C1S: variants seen among roughly 807,000 people sequenced by gnomAD.
C1S encodes the protein complement C1s, also known as complement C1s subcomponent.
C1S carries 31 observed loss-of-function variants against 54.0 expected under a neutral mutation model. That is an observed-to-expected ratio of 0.57 (90% CI 0.43 to 0.78). C1S has a LOEUF of 0.78. Among genes scored for constraint, C1S ranks in the 30% least tolerant of loss-of-function variants. The pLI, the probability that C1S is intolerant of heterozygous loss-of-function variation, is 0.00. For missense variants in C1S, 727 were observed against 851.8 expected (o/e 0.85, Z 1.82); for synonymous variants, 292 against 303.6 (o/e 0.96, Z 0.40).
chr12:7,066,520 A>G lies in C1S; in HGVS notation c.874A>G (p.Met292Val). ...GTCCCAACTTCTGTTCTTTCAAGCA[A>G]TGCCCTGCCCTAAGGAAGACACTCC... ...GWKLRYHGDP[M>V]PCPKEDTPNS... Residue 292 changes from methionine to valine, a missense_variant and splice_region_variant, in exon 8 of 12, where the codon ATG becomes GTG. Physicochemically the swap from Met to Val is conservative, Grantham distance 21. Coordinates refer to ENST00000360817, the MANE Select transcript of C1S (RefSeq NM_001734.5). The G allele has an allele frequency of 6.3e-7, 1 of 1,595,578 alleles. No homozygotes were observed. The highest frequency in any genetic ancestry group is 1.3e-5 in the African/African-American group (1 of 74,728).
In C1S at chr12:7,070,522, ATTCT is replaced by A; in HGVS notation, c.1939_1942del (p.Phe647ThrfsTer21). ...TACAGGATCCCAATGACAAGACCAA[ATTCT>A]ACGCAGCTGGCCTGGTGTCCTGGGG... On this transcript the variant is annotated frameshift_variant, in exon 12 of 12. Transcript: ENST00000360817. LOFTEE classifies it low-confidence loss of function (END_TRUNC). This position sits in a 1 kb window ranked among gnomAD's most constrained non-coding sequence, Gnocchi z 4.9. The A allele has an allele frequency of 6.2e-7, 1 of 1,613,866 alleles. No homozygotes were observed. The highest frequency in any genetic ancestry group is 8.5e-7 in the Non-Finnish European group (1 of 1,179,870).
intron 1 of C1S, 142 bp from the exon 2 acceptor site, chr12:7,061,697 C>A: frequency 1.5e-6 from 1 of 664,934 alleles, no homozygotes; most frequent in Non-Finnish European, 2.8e-6. Context: ...GTGTGAGGGG[C>A]ACGGTGCCAT....
At position 7,070,802 on chromosome 12, in the gene C1S, T is replaced by A. The variant is rs1345450506; in HGVS notation, c.*151T>A. 4.1e-6 allele frequency: 3 copies of A among 727,372 alleles called. No homozygotes were observed. The highest frequency in any genetic ancestry group is 7.1e-6 in the Non-Finnish European group (3 of 420,948). The allele number at this position is 727,372 out of a possible 1,614,324, so 45.1% of individuals were successfully genotyped here. A position where few individuals can be genotyped will look rare whatever the true frequency, so the allele number is the denominator to read the frequency against. On this transcript the variant is annotated 3_prime_UTR_variant, in exon 12 of 12. Transcript: ENST00000360817. This position sits in a 1 kb window ranked among gnomAD's most constrained non-coding sequence, Gnocchi z 4.9. ...GATTGTTGAGACGCCTTGCTAGAGGTAGAGTTTGATCATAGAATTGTGCTG... is the reference window on the plus strand; with the variant it reads ...GATTGTTGAGACGCCTTGCTAGAGGAAGAGTTTGATCATAGAATTGTGCTG...
chr12:7,066,794 T>C (rs1937678409), intron 8 of C1S, 161 bp downstream of exon 8: 7 of 711,804 alleles, frequency 9.8e-6, no homozygotes, highest in Admixed American at 6.0e-5. Context: ...TTGTGAGTCA[T>C]GGAGCTGCCT....
rs782641483 is a variant in C1S at position 7,062,661 on chromosome 12, C to T, written c.192C>T (p.Asn64=). Residue 64 remains asparagine, a synonymous_variant, in exon 3 of 12, where the codon AAC becomes AAT. Transcript: ENST00000360817. The part of the protein sequence containing the change: ...FTHLDIELSE[N]CAYDSVQIIS... ...ATCTGGACATTGAGCTGTCAGAGAA[C>T]TGTGCGTATGACTCAGTGCAGGTAT... The T allele has an allele frequency of 1.9e-6, 3 of 1,613,832 alleles. No homozygotes were observed. Among genetic ancestry groups the T allele is most frequent in the Non-Finnish European group, 2.5e-6 (3 of 1,179,920 alleles).
At position 7,064,343 on chromosome 12, in the gene C1S, C is replaced by T. The variant is rs1555161765; in HGVS notation, c.468C>T (p.Cys156=). The T allele has an allele frequency of 1.2e-6, 2 of 1,614,046 alleles. No individual in the cohort carries two copies. Among genetic ancestry groups the T allele is most frequent in the Admixed American group, 1.7e-5 (1 of 60,012 alleles). Residue 156 remains cysteine (C), a synonymous_variant, in exon 5 of 12, where the codon TGC becomes TGT. Coordinates refer to ENST00000360817, the MANE Select transcript of C1S (RefSeq NM_001734.5). ...ACAATTTCATTGGTGGTTACTTCTG[C>T]TCCTGCCCCCCGGAATATTTCCTCC... ...FCNNFIGGYF[C]SCPPEYFLHD... is the part of the protein sequence containing the mutation.
Position 7,069,867 on chromosome 12 carries a change from C to G in C1S, c.1283C>G (p.Pro428Arg), listed in dbSNP as rs149869489. ...TATTCCTTCCTAGTCTGTGGAGTCC[C>G]CAGAGAACCCTTTGAAGAAAAACAG... is the stretch of plus-strand genomic sequence containing the variant. ...LPKCVPVCGV[P>R]REPFEEKQRI... Residue 428 changes from proline to arginine, a missense_variant, in exon 12 of 12, where the codon CCC (proline) becomes CGC (arginine). Around this residue, in one of 3 missense-constraint regions of C1S, gnomAD observed 360 missense variants for 453.6 expected, o/e 0.79. Transcript: ENST00000360817. 1.8e-4 allele frequency: 291 copies of G among 1,613,578 alleles called. 1 individual carries two copies. Among genetic ancestry groups the G allele is most frequent in the Non-Finnish European group, 7.1e-5 (84 of 1,179,478 alleles).
Position 7,067,031 on chromosome 12 carries a change from T to C in C1S, c.988-8T>C, listed in dbSNP as rs782584563. 2 of 1,602,700 alleles carry C rather than the reference T, an allele frequency of 1.2e-6. No individual in the cohort carries two copies. Among genetic ancestry groups the C allele is most frequent in the South Asian group, 2.2e-5 (2 of 90,852 alleles). On this transcript the variant is annotated splice_polypyrimidine_tract_variant and splice_region_variant and intron_variant, in intron 8 of 11. Transcript: ENST00000360817. ...CAGAAATAAGTGGTGATGTTTATTATTCTCCAGGGACGTGTTGGTGCAACA... is the reference window on the plus strand; with the variant it reads ...CAGAAATAAGTGGTGATGTTTATTACTCTCCAGGGACGTGTTGGTGCAACA...
intron 7 of C1S, 69 bp downstream of exon 7, chr12:7,066,039 G>A: frequency 7.1e-7 from 1 of 1,399,414 alleles, no homozygotes; most frequent in South Asian, 1.2e-5. Flanking sequence ...GATCAAAGCA[G>A]GTAGATGATC....
chr12:7,062,811 A>T (rs1311260942), intron 3 of C1S, 79 bp from the exon 4 acceptor site: 1 of 1,550,610 alleles, frequency 6.4e-7, no homozygotes, highest in South Asian at 1.1e-5. Flanking sequence ...TAAATGTTCT[A>T]TTCTCTCTGT....
At position 7,063,074 on chromosome 12, in the gene C1S, C is replaced by G. The variant is rs376188542; in HGVS notation, c.391+7C>G. On this transcript the variant is annotated splice_region_variant and intron_variant, in intron 4 of 11. Transcript: ENST00000360817. ...GCATACTATGTTGCCACAGGTAAGG[C>G]TCACCCTTCTGCATGTGCCTTATTG... The G allele has an allele frequency of 6.2e-7, 1 of 1,611,284 alleles. No homozygotes were observed. The highest frequency in any genetic ancestry group is 1.7e-5 in the Admixed American group (1 of 59,990).
At chr12:7,061,511 GGA>G (rs1414683124) in intron 1 of C1S, 8 of 354,262 alleles carry the variant, frequency 2.3e-5, no homozygotes, top group Non-Finnish European at 4.4e-5. Context: ...CTTGAGGGCA[GGA>G]GAGAGACTGA....
chr12:7,065,544 T>TG, intron 6 of C1S: 1 of 611,364 alleles, frequency 1.6e-6, no homozygotes, highest in East Asian at 2.8e-5. Flanking sequence ...TTATTCTTTT[T>TG]TTTTTTACAG....
chr12:7,062,244 C>G, intron 2 of C1S: 2 of 555,710 alleles, frequency 3.6e-6, no homozygotes, highest in South Asian at 4.1e-5. Flanking sequence ...GCACTCCAGC[C>G]TGGGTGACAG....
intron 4 of C1S, 186 bp downstream of exon 4, chr12:7,063,253 T>C: frequency 1.6e-6 from 1 of 613,734 alleles, no homozygotes; most frequent in South Asian, 1.9e-5. Context: ...TTAGTGGTGA[T>C]GATGATCATG....
At position 7,061,888 on chromosome 12, in the gene C1S, C is replaced by T. The variant is rs782718594; in HGVS notation, c.-25C>T. ...AGCCAGGACCAAGAGACAGGCAGCT[C>T]ACCAGGGTGGACAAATCGCCAGAGA... On this transcript the variant is annotated 5_prime_UTR_variant, in exon 2 of 12. Transcript: ENST00000360817. 1.2e-6 allele frequency: 2 copies of T among 1,613,868 alleles called. No homozygotes were observed. Among genetic ancestry groups the T allele is most frequent in the Admixed American group, 3.3e-5 (2 of 60,012 alleles).
At chr12:7,061,800 G>A in intron 1 of C1S, 39 bp from the exon 2 acceptor site, 1 of 1,200,992 alleles carries the variant, frequency 8.3e-7, no homozygotes, top group Non-Finnish European at 1.2e-6. Context: ...AGGTGCTTGT[G>A]TTTGTCAGAC....
chr12:7,068,695 G>A (rs1270026962), intron 11 of C1S, 165 bp downstream of exon 11: 6 of 631,996 alleles, frequency 9.5e-6, no homozygotes, highest in Non-Finnish European at 1.7e-5. Context: ...AGGGCCGTGG[G>A]GAACCTCCTC....
chr12:7,065,176 G>A lies in C1S; in HGVS notation c.594G>A (p.Glu198=). 6.2e-7 allele frequency: 1 copy of A among 1,614,070 alleles called. No individual in the cohort carries two copies. Among genetic ancestry groups the A allele is most frequent in the Admixed American group, 1.7e-5 (1 of 60,024 alleles). Residue 198 remains glutamate, a synonymous_variant, in exon 6 of 12, where the codon GAG becomes GAA. Transcript: ENST00000360817. ...ASPNYPKPYP[E]NSRCEYQIRL... is the part of the protein sequence containing the mutation. ...CCAATTATCCCAAACCATATCCAGA[G>A]AACTCAAGGTGTGAATACCAGATCC...
Sources: gnomAD v4.1 joint callset for allele counts on GRCh38, gnomAD v4.1.1 for gene constraint, gnomAD v4.1.1 regional missense constraint, Gnocchi (gnomAD v3.1) non-coding constraint, MANE v1.5 for transcripts, NCBI Gene and HGNC (gene_info 2026-07-23, HGNC 2026-07-21) for gene names.